Variants in DOCK5 observed in about 807,000 individuals in gnomAD.
DOCK5 encodes the protein dedicator of cytokinesis protein 5.
Under a neutral mutation model 251.8 loss-of-function variants are expected in DOCK5, and 142 were observed. The ratio of observed to expected loss-of-function variants is 0.56; its 90% CI spans 0.49 to 0.65. The LOEUF (loss-of-function observed/expected upper bound fraction) is 0.65. DOCK5 is among the 30% of genes least tolerant of loss of function. The pLI is 0.00. For missense variants in DOCK5, 2,111 were observed against 2,312.3 expected (o/e 0.91, Z 1.79); for synonymous variants, 842 against 835.5 (o/e 1.01, Z -0.13).
chr8:25,351,159 G>A (rs1436383092), intron 26 of DOCK5, among the ~76,000 whole-genome samples: 3 of 152,044 alleles, frequency 2.0e-5, no homozygotes, highest in Non-Finnish European at 2.9e-5. Flanking sequence ...CTGGGTTCCC[G>A]CCATTCTCCT....
chr8:25,207,838 T>TAAAAGAATACA (rs1418030915), intron 1 of DOCK5, among the ~76,000 whole-genome samples: 1 of 152,210 alleles, frequency 6.6e-6, no homozygotes, highest in Non-Finnish European at 1.5e-5. Context: ...TCTGATTATT[T>TAAAAGAATACA]AAAAGAATAC....
At chr8:25,374,737 T>C (rs1407146264) in intron 37 of DOCK5, 83 bp downstream of exon 37, 2 of 1,610,844 alleles carry the variant, frequency 1.2e-6, no homozygotes, top group Admixed American at 1.7e-5. Flanking sequence ...ATGATTTTGA[T>C]GGGAAAGAAC....
chr8:25,375,568 C>A, intron 37 of DOCK5: 1 of 480,206 alleles, frequency 2.1e-6, no homozygotes, highest in Non-Finnish European at 2.7e-6. Flanking sequence ...CCCTGACTAC[C>A]ACCTTGGTCC....
rs531673326 is a variant in DOCK5, at chr8:25,191,766, A to T, written c.43+6815A>T. On this transcript the variant is annotated intron_variant, in intron 1 of 51. Coordinates refer to ENST00000276440, the MANE Select transcript of DOCK5 (RefSeq NM_024940.8). ...TCCAAAAACAAAATCTTTTTTTTAA[A>T]ATTATATATATATATTTATTATACT... 5.2e-3 allele frequency among the ~76,000 whole-genome samples: 706 copies of T among 136,290 alleles called. 8 individuals are homozygous for T. The highest frequency in any genetic ancestry group is 0.016 in the African/African-American group (659 of 41,022). 89.4% of individuals were successfully genotyped at this position (136,290 alleles called of 152,430 possible).
intron 1 of DOCK5, among the ~76,000 whole-genome samples, chr8:25,227,888 G>A (rs1802570785): frequency 6.6e-6 from 1 of 152,076 alleles, no homozygotes; most frequent in African/African-American, 2.4e-5. Context: ...TGTTGTTGTT[G>A]TTGTTTGTTT....
intron 1 of DOCK5, among the ~76,000 whole-genome samples, chr8:25,226,164 T>A (rs1802524686): frequency 6.6e-6 from 1 of 151,490 alleles, no homozygotes; most frequent in Admixed American, 6.6e-5. Flanking sequence ...AGAAATAAAT[T>A]AAGAAAAAAG....
At chr8:25,372,777 C>A in intron 35 of DOCK5, 59 bp downstream of exon 35, 1 of 1,520,514 alleles carries the variant, frequency 6.6e-7, no homozygotes, top group Admixed American at 2.2e-5. Context: ...CTGCACCCTA[C>A]AGCTCAGCTC....
At chr8:25,409,864 A>C in intron 50 of DOCK5, 1 of 403,336 alleles carries the variant, frequency 2.5e-6, no homozygotes. Flanking sequence ...AAAAATAAAA[A>C]AAATAAAGTT....
intron 1 of DOCK5, among the ~76,000 whole-genome samples, chr8:25,223,505 A>G (rs937222710): frequency 6.6e-6 from 1 of 152,132 alleles, no homozygotes; most frequent in Non-Finnish European, 1.5e-5. Flanking sequence ...TGTAGAGATG[A>G]GGTCTCGCTC....
At chr8:25,189,010 C>T (rs1801505741) in intron 1 of DOCK5, among the ~76,000 whole-genome samples, 1 of 149,584 alleles carries the variant, frequency 6.7e-6, no homozygotes. Flanking sequence ...GGATTCTTTG[C>T]AAAGCTTTTT....
At chr8:25,289,176 A>G (rs866965549) in intron 5 of DOCK5, among the ~76,000 whole-genome samples, 3 of 152,218 alleles carry the variant, frequency 2.0e-5, no homozygotes, top group African/African-American at 7.2e-5. Context: ...GGATGTTTTC[A>G]GCCCTGTTTC....
At chr8:25,306,618 T>C (rs1041281270) in intron 11 of DOCK5, among the ~76,000 whole-genome samples, 1 of 151,560 alleles carries the variant, frequency 6.6e-6, no homozygotes, top group Non-Finnish European at 1.5e-5. Flanking sequence ...GGCATGAACC[T>C]GGAAGGTGGA....
chr8:25,397,469 G>A (rs1801366129), intron 45 of DOCK5, among the ~76,000 whole-genome samples: 1 of 152,144 alleles, frequency 6.6e-6, no homozygotes, highest in Non-Finnish European at 1.5e-5. Context: ...CTTTTTCTCA[G>A]GCTTTCAGCC....
intron 9 of DOCK5, among the ~76,000 whole-genome samples, chr8:25,300,935 C>T (rs991416157): frequency 3.3e-5 from 5 of 152,150 alleles, no homozygotes; most frequent in Non-Finnish European, 5.9e-5. Context: ...CACAGGGGCT[C>T]ACGCCTGTAA....
At chr8:25,383,917 C>T (rs1801113687) in intron 40 of DOCK5, among the ~76,000 whole-genome samples, 1 of 152,110 alleles carries the variant, frequency 6.6e-6, no homozygotes, top group South Asian at 2.1e-4. Flanking sequence ...GAATCTGTAA[C>T]CAGGAAGTAT....
intron 1 of DOCK5, among the ~76,000 whole-genome samples, chr8:25,202,773 AG>A (rs1251484087): frequency 6.6e-6 from 1 of 152,250 alleles, no homozygotes; most frequent in African/African-American, 2.4e-5. Flanking sequence ...ATAATAAAAA[AG>A]AACAATCAAC....
intron 7 of DOCK5, among the ~76,000 whole-genome samples, chr8:25,298,058 T>TAAAA (rs145331060): frequency 2.4e-5 from 3 of 125,900 alleles, no homozygotes; most frequent in Non-Finnish European, 1.7e-5. Flanking sequence ...CCCTGCCTCT[T>TAAAA]AAAAAAAAAA....
Position 25,325,144 on chromosome 8 carries a change from TTC to T in DOCK5, c.1720-218_1720-217del, listed in dbSNP as rs1805530278. Among the ~76,000 whole-genome samples the T allele has an allele frequency of 3.9e-5, 6 of 152,170 alleles. No individual in the cohort carries two copies. The South Asian group carries it at 1.2e-3, about 32-fold the overall frequency. On this transcript the variant is annotated intron_variant, in intron 17 of 51. Transcript: ENST00000276440. The stretch of plus-strand genomic sequence containing the variant: ...CTAACAGAGACTAGGATATTCTGGT[TTC>T]TAGTTCACAACTTATTCTGTTTCCA...
rs774406598 is a variant in DOCK5, at chr8:25,332,636, A to G, written c.2035A>G (p.Ile679Val). Residue 679 changes from isoleucine (I) to valine (V), a missense_variant, in exon 20 of 52, where the codon ATA (isoleucine) becomes GTA (valine). Around this residue, in one of 3 missense-constraint regions of DOCK5, gnomAD observed 1,717 missense variants for 1,892.4 expected, o/e 0.91. Transcript: ENST00000276440. ...LQDTLDALFN[I>V]MMEMSDSETY... ...AGATACACTAGATGCACTCTTTAACATAATGATGGAAATGTCAGACAGTGA... is the reference window on the plus strand; with the variant it reads ...AGATACACTAGATGCACTCTTTAACGTAATGATGGAAATGTCAGACAGTGA... The G allele has an allele frequency of 1.9e-6, 3 of 1,612,634 alleles. No homozygotes were observed. The highest frequency in any genetic ancestry group is 1.7e-5 in the Admixed American group (1 of 59,744).
Sources: gnomAD v4.1 joint callset for allele counts (sites outside exome capture counted in the v4.1 genomes callset) on GRCh38, gnomAD v4.1.1 for gene constraint, gnomAD v4.1.1 regional missense constraint, MANE v1.5 for transcripts, NCBI Gene and HGNC (gene_info 2026-07-23, HGNC 2026-07-21) for gene names.